Variants in BICRAL observed in about 807,000 individuals in gnomAD.
The protein encoded by BICRAL is BICRA like chromatin remodeling complex associated protein.
Under a neutral mutation model 91.8 loss-of-function variants are expected in BICRAL, and 8 were observed. That is an observed-to-expected ratio of 0.09 (90% CI 0.05 to 0.16). BICRAL has a LOEUF of 0.16. BICRAL is among the 10% of genes least tolerant of loss of function. BICRAL has a pLI of 1.00. For synonymous variants in BICRAL, 445 were observed against 491.1 expected (o/e 0.91, Z 1.24); for missense variants, 1,038 against 1,310.9 (o/e 0.79, Z 3.21).
chr6:42,864,115 C>T (rs1765637009), intron 12 of BICRAL, among the ~76,000 whole-genome samples: 1 of 151,018 alleles, frequency 6.6e-6, no homozygotes, highest in Non-Finnish European at 1.5e-5. Context: ...TGCAGTGAGC[C>T]GAGATCACGC....
At chr6:42,774,299 T>C (rs1762780895) in intron 1 of BICRAL, among the ~76,000 whole-genome samples, 1 of 152,154 alleles carries the variant, frequency 6.6e-6, no homozygotes, top group African/African-American at 2.4e-5. Flanking sequence ...GGAGGAATCA[T>C]AGACAAATGA....
At chr6:42,821,059 A>G (rs1764123951) in intron 2 of BICRAL, 1 of 152,254 alleles carries the variant, frequency 6.6e-6, no homozygotes, top group Admixed American at 6.5e-5. Flanking sequence ...TCTTCTGGGC[A>G]TCTTTTCAGG....
chr6:42,857,614 A>AAAAATATATAT, intron 10 of BICRAL, among the ~76,000 whole-genome samples: 50 of 96,214 alleles, frequency 5.2e-4, no homozygotes, highest in East Asian at 1.1e-3. Context: ...AAAAAAAAAA[A>AAAAATATATAT]ATATATATAT....
At chr6:42,756,877 G>A (rs576191532) in intron 1 of BICRAL, among the ~76,000 whole-genome samples, 4 of 147,400 alleles carry the variant, frequency 2.7e-5, no homozygotes, top group Non-Finnish European at 3.0e-5. Flanking sequence ...CTTGGCTCTC[G>A]CGCGCGCGCT....
intron 1 of BICRAL, among the ~76,000 whole-genome samples, chr6:42,798,043 A>G (rs1250863498): frequency 1.3e-5 from 2 of 152,204 alleles, no homozygotes; most frequent in East Asian, 1.9e-4. Flanking sequence ...TCGCAGAAAC[A>G]TGGATGGAGG....
At chr6:42,842,617 C>T (rs181701460) in intron 6 of BICRAL, among the ~76,000 whole-genome samples, 10 of 152,256 alleles carry the variant, frequency 6.6e-5, no homozygotes, top group African/African-American at 2.4e-4. Context: ...TCCCCTCCTT[C>T]AAGGTCCCAC....
At chr6:42,805,455 T>G (rs748165323) in intron 1 of BICRAL, among the ~76,000 whole-genome samples, 1 of 152,196 alleles carries the variant, frequency 6.6e-6, no homozygotes, top group Non-Finnish European at 1.5e-5. Context: ...AAAATATGCT[T>G]TCTTGGAAAA....
At chr6:42,788,331 TCTC>T (rs1359876417) in intron 1 of BICRAL, among the ~76,000 whole-genome samples, 1 of 151,044 alleles carries the variant, frequency 6.6e-6, no homozygotes, top group Non-Finnish European at 1.5e-5. Context: ...TTCAAGCAAT[TCTC>T]CTGCCTCAGC....
At chr6:42,864,537 G>A in intron 12 of BICRAL, 122 bp from the exon 13 acceptor site, 2 of 750,876 alleles carry the variant, frequency 2.7e-6, no homozygotes, top group African/African-American at 1.7e-5. Flanking sequence ...TCCTGTATGT[G>A]AAGCAGATGG....
At chr6:42,849,688 C>T (rs986976580) in intron 6 of BICRAL, among the ~76,000 whole-genome samples, 1 of 151,962 alleles carries the variant, frequency 6.6e-6, no homozygotes, top group African/African-American at 2.4e-5. Context: ...ATCCGCCCAC[C>T]TCGGCCTCCC....
chr6:42,768,843 G>A lies in BICRAL; in HGVS notation c.-260-12996G>A, dbSNP rs569091034. ...AGCTGACCCAGTCTCTGTGTCCCAA[G>A]TGCTAATACCCAGAAGAGAGGATCC... On this transcript the variant is annotated intron_variant, in intron 1 of 14. Transcript: ENST00000614467. 1.3e-4 allele frequency among the ~76,000 whole-genome samples: 20 copies of A among 152,298 alleles called. No homozygotes were observed. The South Asian group carries it at 4.1e-3, about 32-fold the overall frequency.
At chr6:42,833,926 C>T (rs1428638472) in intron 6 of BICRAL, among the ~76,000 whole-genome samples, 2 of 152,144 alleles carry the variant, frequency 1.3e-5, no homozygotes, top group Non-Finnish European at 2.9e-5. Flanking sequence ...GCAATCTCAG[C>T]TCACTGCAAC....
chr6:42,769,721 G>A (rs556097689), intron 1 of BICRAL, among the ~76,000 whole-genome samples: 7 of 152,066 alleles, frequency 4.6e-5, no homozygotes, highest in African/African-American at 1.7e-4. Flanking sequence ...TATCCTCATG[G>A]AATTCAAATC....
intron 2 of BICRAL, among the ~76,000 whole-genome samples, chr6:42,811,348 C>A (rs1192568069): frequency 6.6e-6 from 1 of 152,176 alleles, no homozygotes; most frequent in Non-Finnish European, 1.5e-5. Flanking sequence ...TTTGGCCGGG[C>A]ACGGTGGCTC....
intron 6 of BICRAL, among the ~76,000 whole-genome samples, chr6:42,850,068 T>TAAAC (rs1288233465): frequency 4.0e-5 from 6 of 151,616 alleles, no homozygotes; most frequent in Non-Finnish European, 8.8e-5. Context: ...AATAAATAAA[T>TAAAC]AAGCTTAGTT....
chr6:42,811,547 G>C (rs566059701), intron 2 of BICRAL, among the ~76,000 whole-genome samples: 5 of 152,150 alleles, frequency 3.3e-5, no homozygotes, highest in African/African-American at 7.2e-5. Context: ...CTTGAACCTG[G>C]GAGGCGGAGG....
In BICRAL at chr6:42,855,901, C is replaced by T. The variant is rs1765335924; in HGVS notation, c.2092C>T (p.Leu698=). The change falls in exon 9 of 13, where the codon CTA becomes TTA. Residue 698 remains leucine, a synonymous_variant. Coordinates refer to ENST00000314073, the MANE Select transcript of BICRAL (RefSeq NM_001393499.1). Reference sequence around the variant, plus strand: ...ACAAAAAAGGCCTGCTGCGAAACAGCTAACGAAAGGAGCTTTGTGAGTTAC... The same window carrying T: ...ACAAAAAAGGCCTGCTGCGAAACAGTTAACGAAAGGAGCTTTGTGAGTTAC... ...GGQKRPAAKQ[L]TKGAFILQQL... is the part of the protein sequence containing the mutation. The T allele has an allele frequency of 6.2e-7, 1 of 1,613,360 alleles. No individual in the cohort carries two copies. The highest frequency in any genetic ancestry group is 1.3e-5 in the African/African-American group (1 of 74,876).
intron 2 of BICRAL, among the ~76,000 whole-genome samples, chr6:42,815,185 CTTTTTTTT>C (rs869106375): frequency 2.0e-5 from 2 of 101,140 alleles, no homozygotes; most frequent in African/African-American, 3.8e-5. Context: ...GTCAGAATAT[CTTTTTTTT>C]TTTTTTTTTT....
chr6:42,836,114 T>C (rs1319759504), intron 6 of BICRAL, among the ~76,000 whole-genome samples: 1 of 152,196 alleles, frequency 6.6e-6, no homozygotes, highest in African/African-American at 2.4e-5. Flanking sequence ...GCACGCACAG[T>C]GCATACACAT....
Sources: allele counts gnomAD v4.1 joint callset (sites outside exome capture counted in the v4.1 genomes callset), GRCh38; gene constraint gnomAD v4.1.1; transcripts MANE v1.5; gene names NCBI Gene and HGNC (gene_info 2026-07-23, HGNC 2026-07-21).